Variants in SCLT1 observed in about 807,000 individuals in gnomAD.
SCLT1 encodes the protein sodium channel-associated protein 1.
SCLT1 carries 78 observed loss-of-function variants against 112.8 expected under a neutral mutation model. The observed-to-expected ratio is 0.69, with a 90% CI of 0.58 to 0.83. SCLT1 has a LOEUF of 0.83. Ranked by LOEUF, SCLT1 falls within the 40% of genes least tolerant of loss-of-function variation. SCLT1 has a pLI of 0.00. For synonymous variants in SCLT1, 257 were observed against 254.7 expected (o/e 1.01, Z -0.09); for missense variants, 747 against 770.4 (o/e 0.97, Z 0.36).
At position 128,969,558 on chromosome 4, in the gene SCLT1, C is replaced by A. The variant is rs142631430; in HGVS notation, c.777+820G>T. Among the ~76,000 whole-genome samples, 170 of 151,904 alleles carry A rather than the reference C, an allele frequency of 1.1e-3. 1 individual carries two copies. Among genetic ancestry groups the A allele is most frequent in the Admixed American group, 2.0e-3 (31 of 15,240 alleles). On this transcript the variant is annotated intron_variant, in intron 10 of 20. Transcript: ENST00000281142. ...CTGCACTCCAGCCTGGGTGACACAG[C>A]GAGACTCTGACTCAAAAATAAAATA...
chr4:129,088,445 T>C (rs1752577250), intron 1 of SCLT1, among the ~76,000 whole-genome samples: 1 of 152,110 alleles, frequency 6.6e-6, no homozygotes. Context: ...GCCTTCCCCA[T>C]AAGATCAGGA....
chr4:128,920,659 A>G (rs1735813211), intron 18 of SCLT1, among the ~76,000 whole-genome samples: 1 of 152,226 alleles, frequency 6.6e-6, no homozygotes, highest in Non-Finnish European at 1.5e-5. Context: ...GAATGAACAT[A>G]TCTCAAAATG....
chr4:129,085,197 G>C (rs1252208746), intron 1 of SCLT1, among the ~76,000 whole-genome samples: 6 of 152,096 alleles, frequency 3.9e-5, no homozygotes, highest in Admixed American at 3.9e-4. Flanking sequence ...TTAAAAAGTG[G>C]GCAAAGCTCA....
chr4:128,935,582 G>T (rs1433948178), intron 18 of SCLT1, among the ~76,000 whole-genome samples: 1 of 152,000 alleles, frequency 6.6e-6, no homozygotes, highest in African/African-American at 2.4e-5. Context: ...ACTTTGTGGG[G>T]TTGCTGTAAA....
intron 18 of SCLT1, among the ~76,000 whole-genome samples, chr4:128,904,329 G>C (rs2125938745): frequency 6.6e-6 from 1 of 152,156 alleles, no homozygotes; most frequent in East Asian, 1.9e-4. Flanking sequence ...TTATGTGACA[G>C]AAAATCTTAC....
At chr4:129,080,871 T>G (rs61177405) in intron 2 of SCLT1, among the ~76,000 whole-genome samples, 2,185 of 152,298 alleles carry the variant, frequency 0.014, 46 homozygotes, top group African/African-American at 0.044. Flanking sequence ...AGTTCTGCAG[T>G]CTGTGGGAGA....
At chr4:129,006,738 G>GGGGAATAGA (rs1744063835) in intron 5 of SCLT1, among the ~76,000 whole-genome samples, 1 of 152,004 alleles carries the variant, frequency 6.6e-6, no homozygotes, top group South Asian at 2.1e-4. Flanking sequence ...GTCCAATCTT[G>GGGGAATAGA]CGTTTCTAAT....
At chr4:128,944,310 C>T (rs1169060704) in intron 16 of SCLT1, among the ~76,000 whole-genome samples, 2 of 152,104 alleles carry the variant, frequency 1.3e-5, no homozygotes, top group African/African-American at 4.8e-5. Flanking sequence ...ATGCTGAGAT[C>T]AGAAACAACC....
intron 18 of SCLT1, 75 bp from the exon 19 acceptor site, chr4:128,891,212 T>C: frequency 2.7e-6 from 3 of 1,122,650 alleles, no homozygotes; most frequent in Non-Finnish European, 4.0e-6. Context: ...GCAAGATACA[T>C]GTTCATGATT....
intron 1 of SCLT1, among the ~76,000 whole-genome samples, chr4:129,082,611 C>T (rs1752041059): frequency 6.6e-6 from 1 of 152,130 alleles, no homozygotes. Flanking sequence ...CAAAGAACTA[C>T]CATTTCTGAT....
At chr4:128,953,630 A>T (rs1201011955) in intron 13 of SCLT1, among the ~76,000 whole-genome samples, 1 of 141,610 alleles carries the variant, frequency 7.1e-6, no homozygotes, top group East Asian at 2.0e-4. Context: ...CCGTCTCTAT[A>T]AAAAAAAAAA....
intron 5 of SCLT1, among the ~76,000 whole-genome samples, chr4:129,007,655 T>C (rs903411219): frequency 6.6e-6 from 1 of 152,152 alleles, no homozygotes; most frequent in Non-Finnish European, 1.5e-5. Context: ...AAGCATGTAA[T>C]TGTGGGTTCA....
Position 128,898,437 on chromosome 4 carries a change from A to G in SCLT1, c.1830-7300T>C, listed in dbSNP as rs1240274610. 9.9e-5 allele frequency among the ~76,000 whole-genome samples: 15 copies of G among 152,166 alleles called. No individual in the cohort carries two copies. The East Asian group carries it at 1.7e-3, about 18-fold the overall frequency. On this transcript the variant is annotated intron_variant, in intron 18 of 20. Transcript: ENST00000281142. ...CCTGAATGACTACTGGGTACATAACAAAATGAAGGCAGAAATAAAGATGTT... is the reference window on the plus strand; with the variant it reads ...CCTGAATGACTACTGGGTACATAACGAAATGAAGGCAGAAATAAAGATGTT...
intron 13 of SCLT1, among the ~76,000 whole-genome samples, chr4:128,953,301 T>C (rs976164276): frequency 1.3e-5 from 2 of 152,146 alleles, no homozygotes; most frequent in African/African-American, 4.8e-5. Flanking sequence ...CTTTTGCAAA[T>C]TTCCTTAATG....
intron 2 of SCLT1, among the ~76,000 whole-genome samples, chr4:129,057,622 A>G (rs1302805444): frequency 6.7e-6 from 1 of 149,678 alleles, no homozygotes; most frequent in African/African-American, 2.5e-5. Flanking sequence ...TGGTCTGTTC[A>G]GGTTTTCTAT....
chr4:128,931,016 T>C (rs1190923444), intron 18 of SCLT1, among the ~76,000 whole-genome samples: 2 of 151,918 alleles, frequency 1.3e-5, no homozygotes, highest in Non-Finnish European at 2.9e-5. Flanking sequence ...ATAAGCTTGG[T>C]AATAAAATGT....
intron 2 of SCLT1, among the ~76,000 whole-genome samples, chr4:129,046,839 T>C (rs1579833312): frequency 6.6e-6 from 1 of 152,220 alleles, no homozygotes; most frequent in South Asian, 2.1e-4. Flanking sequence ...GAACTATGCT[T>C]TTCACTCTAG....
chr4:128,926,729 TTACTGTTC>T (rs1399274481), intron 18 of SCLT1, among the ~76,000 whole-genome samples: 1 of 152,064 alleles, frequency 6.6e-6, no homozygotes, highest in Non-Finnish European at 1.5e-5. Flanking sequence ...TTTACATTTA[TTACTGTTC>T]ATATATAGTT....
chr4:129,063,119 T>G (rs1359388976), intron 2 of SCLT1, among the ~76,000 whole-genome samples: 1 of 152,256 alleles, frequency 6.6e-6, no homozygotes, highest in East Asian at 1.9e-4. Context: ...AATGACCTGC[T>G]TTCAAGTTCA....
Sources: allele counts gnomAD v4.1 joint callset (sites outside exome capture counted in the v4.1 genomes callset), GRCh38; gene constraint gnomAD v4.1.1; transcripts MANE v1.5; gene names NCBI Gene and HGNC (gene_info 2026-07-23, HGNC 2026-07-21).